Variants in SAMD11 observed in about 807,000 individuals in gnomAD.
SAMD11 encodes the protein sterile alpha motif domain-containing protein 11.
A neutral mutation model predicts 64.4 loss-of-function variants in SAMD11; 77 were observed. The ratio of observed to expected loss-of-function variants is 1.20; its 90% CI spans 0.99 to 1.44. The LOEUF (loss-of-function observed/expected upper bound fraction) is 1.44. Among genes scored for constraint, SAMD11 ranks in the 40% most tolerant of loss-of-function variants. The pLI, the probability that SAMD11 is intolerant of heterozygous loss-of-function variation, is 0.00. For missense variants in SAMD11, 1,402 were observed against 943.3 expected (o/e 1.49, Z -6.37); for synonymous variants, 658 against 421.9 (o/e 1.56, Z -6.86).
intron 4 of SAMD11, 107 bp downstream of exon 4, chr1:931,196 G>A (rs575264496): frequency 1.0e-6 from 1 of 1,004,756 alleles, no homozygotes; most frequent in African/African-American, 1.6e-5. Context: ...AGCGTGAGCT[G>A]ATGCTGTGAT....
chr1:935,612 A>G (rs1159046615), intron 4 of SAMD11, among the ~76,000 whole-genome samples, 160 bp from the exon 5 acceptor site: 1 of 152,194 alleles, frequency 6.6e-6, no homozygotes, highest in African/African-American at 2.4e-5. Flanking sequence ...GTGTGCACAC[A>G]GTGGCGTCAC....
chr1:925,861 C>T (rs772250476), intron 1 of SAMD11, 61 bp from the exon 2 acceptor site: 15 of 1,266,012 alleles, frequency 1.2e-5, no homozygotes, highest in African/African-American at 7.3e-5. Flanking sequence ...CTGGCCCTGC[C>T]GCTGACTGCG....
chr1:943,454 G>T, intron 12 of SAMD11, 77 bp downstream of exon 12: 2 of 1,297,780 alleles, frequency 1.5e-6, no homozygotes, highest in Non-Finnish European at 2.1e-6. Context: ...GGATGGTGGG[G>T]TAGGGCCATT....
chr1:944,021 CTT>C lies in SAMD11; in HGVS notation c.2404_2405del (p.Leu802ValfsTer101). On this transcript the variant is annotated frameshift_variant, in exon 14 of 14. Coordinates refer to ENST00000616016, the MANE Select transcript of SAMD11 (RefSeq NM_001385641.1). LOFTEE classifies it low-confidence loss of function (END_TRUNC). The part of the protein sequence containing the change: ...ERELGTGEQP[L>X]SPTTATSPYG... ...GAGAACTCGGCACAGGAGAGCAGCC[CTT>C]GTCCCCCACGACGGCCACGTCCCCC... 6.2e-7 allele frequency: 1 copy of C among 1,612,930 alleles called. No individual in the cohort carries two copies. Among genetic ancestry groups the C allele is most frequent in the Non-Finnish European group, 8.5e-7 (1 of 1,179,998 alleles).
At position 942,887 on chromosome 1, in the gene SAMD11, C is replaced by T. The variant is rs766360427; in HGVS notation, c.1882C>T (p.Pro628Ser). 4.5e-6 allele frequency: 7 copies of T among 1,554,938 alleles called. No individual in the cohort carries two copies. Among genetic ancestry groups the T allele is most frequent in the South Asian group, 3.6e-5 (3 of 84,476 alleles). ...GGCACAAGATGGCTCGGAAGACGAG[C>T]CCCCCAAAGACTCGGACGGAGAGGA... ...LWAQDGSEDE[P>S]PKDSDGEDPE... The change falls in exon 11 of 14, where the codon CCC (proline) becomes TCC (serine). Residue 628 changes from proline to serine, a missense_variant. Transcript: ENST00000616016.
rs775081390 is a variant in SAMD11, at chr1:943,002, C to G, written c.1997C>G (p.Pro666Arg). The G allele has an allele frequency of 6.5e-7, 1 of 1,540,674 alleles. No homozygotes were observed. The highest frequency in any genetic ancestry group is 1.3e-5 in the South Asian group (1 of 79,892). Residue 666 changes from proline to arginine, a missense_variant, in exon 11 of 14, where the codon CCA (proline) becomes CGA (arginine). Coordinates refer to ENST00000616016, the MANE Select transcript of SAMD11 (RefSeq NM_001385641.1). ...GGCGCCGAGGGGAAGGGGCTTTTCCCAGGGTCCACACTGCCCCTGGGCTTC... is the reference window on the plus strand; with the variant it reads ...GGCGCCGAGGGGAAGGGGCTTTTCCGAGGGTCCACACTGCCCCTGGGCTTC... ...GAGAEGKGLF[P>R]GSTLPLGFPY...
At chr1:935,355 C>T (rs1641375298) in intron 4 of SAMD11, among the ~76,000 whole-genome samples, 1 of 152,010 alleles carries the variant, frequency 6.6e-6, no homozygotes, top group Non-Finnish European at 1.5e-5. Flanking sequence ...GGGGATGGTT[C>T]ACATGTGGCA....
At chr1:927,565 C>T (rs1395101502) in intron 2 of SAMD11, among the ~76,000 whole-genome samples, 1 of 152,238 alleles carries the variant, frequency 6.6e-6, no homozygotes, top group African/African-American at 2.4e-5. Flanking sequence ...ACTCCAGGGG[C>T]CCCTTCTTTC....
At chr1:933,864 C>T (rs575524849) in intron 4 of SAMD11, among the ~76,000 whole-genome samples, 1 of 142,684 alleles carries the variant, frequency 7.0e-6, no homozygotes, top group East Asian at 1.9e-4. Context: ...TGCTTAGGGG[C>T]AGCCTTGGAT....
intron 8 of SAMD11, 89 bp downstream of exon 8, chr1:941,395 C>G (rs1374041259): frequency 3.1e-6 from 4 of 1,282,110 alleles, no homozygotes; most frequent in Non-Finnish European, 4.2e-6. Context: ...CCCGAGAGTG[C>G]CAAGCACTGT....
rs781030281 is a variant in SAMD11 at position 943,787 on chromosome 1, C to T, written c.2268C>T (p.Pro756=). 8 of 1,612,660 alleles carry T rather than the reference C, an allele frequency of 5.0e-6. No individual in the cohort carries two copies. Among genetic ancestry groups the T allele is most frequent in the Admixed American group, 1.7e-5 (1 of 60,016 alleles). ...CCAACATGGGGCTGAAGCTGGGGCC[C>T]GCCCTCAAGATCCGGGCCCAGGTGA... ...LLTNMGLKLG[P]ALKIRAQVAR... Residue 756 remains proline, a synonymous_variant, in exon 13 of 14, where the codon CCC becomes CCT. Coordinates refer to ENST00000616016, the MANE Select transcript of SAMD11 (RefSeq NM_001385641.1).
intron 2 of SAMD11, among the ~76,000 whole-genome samples, chr1:926,706 C>G (rs964336248): frequency 6.6e-6 from 1 of 152,152 alleles, no homozygotes; most frequent in African/African-American, 2.4e-5. Context: ...GAGGCACCTG[C>G]ACCCCCTACC....
In SAMD11 at chr1:944,165, G is replaced by C; in HGVS notation, c.*12G>C. ...AGCCTCTGTGTTGAGGTTGCCGGGG[G>C]TAGGGGTGGGGCCACACAAATCTCC... On this transcript the variant is annotated 3_prime_UTR_variant, in exon 14 of 14. Coordinates refer to ENST00000616016, the MANE Select transcript of SAMD11 (RefSeq NM_001385641.1). The C allele has an allele frequency of 6.5e-7, 1 of 1,533,314 alleles. No individual in the cohort carries two copies. Among genetic ancestry groups the C allele is most frequent in the East Asian group, 2.3e-5 (1 of 43,976 alleles). The allele number at this position is 1,533,314 out of a possible 1,614,324, so 95.0% of individuals were successfully genotyped here. A position where few individuals can be genotyped will look rare whatever the true frequency, so the allele number is the denominator to read the frequency against.
chr1:926,723 C>T (rs573064976), intron 2 of SAMD11, among the ~76,000 whole-genome samples: 15 of 152,252 alleles, frequency 9.9e-5, no homozygotes, highest in Non-Finnish European at 8.8e-5. Flanking sequence ...TACCCAGTCT[C>T]CAGCCCCCTA....
chr1:939,434 A>T, intron 7 of SAMD11, 22 bp downstream of exon 7: 1 of 1,439,634 alleles, frequency 6.9e-7, no homozygotes, highest in Non-Finnish European at 9.6e-7. Flanking sequence ...CCCTGGCATG[A>T]TCCCCCTCAT....
At chr1:926,295 C>T (rs971162416) in intron 2 of SAMD11, among the ~76,000 whole-genome samples, 7 of 152,240 alleles carry the variant, frequency 4.6e-5, no homozygotes, top group African/African-American at 1.2e-4. Context: ...AGCTGCTTAT[C>T]CTCGAGTCCT....
chr1:926,207 C>T (rs1475281876), intron 2 of SAMD11, among the ~76,000 whole-genome samples, 194 bp downstream of exon 2: 1 of 152,030 alleles, frequency 6.6e-6, no homozygotes, highest in African/African-American at 2.4e-5. Context: ...GGGGAGGAGT[C>T]CTCGGGCACC....
At chr1:936,521 A>G (rs1557605466) in intron 5 of SAMD11, among the ~76,000 whole-genome samples, 1 of 152,082 alleles carries the variant, frequency 6.6e-6, no homozygotes, top group Non-Finnish European at 1.5e-5. Flanking sequence ...GCCTGGTCAC[A>G]GTTGTGGGGG....
intron 2 of SAMD11, among the ~76,000 whole-genome samples, chr1:929,345 G>A (rs1641058456): frequency 6.6e-6 from 1 of 152,216 alleles, no homozygotes; most frequent in African/African-American, 2.4e-5. Context: ...AAGAAGCCCT[G>A]TGAGAAATGC....
Sources: allele counts gnomAD v4.1 joint callset (sites outside exome capture counted in the v4.1 genomes callset), GRCh38; gene constraint gnomAD v4.1.1; transcripts MANE v1.5; gene names NCBI Gene and HGNC (gene_info 2026-07-23, HGNC 2026-07-21).